The following MAP3K1 variants were observed in gnomAD, a reference collection of about 807,000 sequenced individuals.
The protein encoded by MAP3K1 is mitogen-activated protein kinase kinase kinase 1, also known as MAP/ERK kinase kinase 1.
In MAP3K1, 36 loss-of-function variants were observed where a neutral mutation model predicts 144.2. That is an observed-to-expected ratio of 0.25 (90% CI 0.19 to 0.33). The LOEUF (loss-of-function observed/expected upper bound fraction) is 0.33. Ranked by LOEUF, MAP3K1 falls within the 10% of genes least tolerant of loss-of-function variation. The pLI is 1.00. For missense variants in MAP3K1, 1,650 were observed against 1,881.9 expected, an observed-to-expected ratio of 0.88 and a Z score of 2.28; for synonymous variants, 718 against 688.7, an observed-to-expected ratio of 1.04 and a Z score of -0.67.
At chr5:56,844,274 G>T (rs1346005639) in intron 1 of MAP3K1, among the ~76,000 whole-genome samples, 2 of 143,082 alleles carry the variant, frequency 1.4e-5, no homozygotes, top group African/African-American at 5.1e-5. Flanking sequence ...CCGCCTCCTG[G>T]GTTCATGCCA....
At chr5:56,820,447 C>T in intron 1 of MAP3K1, 5 of 984,988 alleles carry the variant, frequency 5.1e-6, no homozygotes, top group Non-Finnish European at 6.0e-6. Flanking sequence ...TAGGTCTCTA[C>T]CCTGTGCTAA....
Position 56,839,294 on chromosome 5 carries a change from CTTAA to C in MAP3K1, c.483-17303_483-17300del, listed in dbSNP as rs977376262. ...TATTGGGACATTTTTGATGTTGTGG[CTTAA>C]TTGACTACTAGGCATCAGCCATCTC... On this transcript the variant is annotated intron_variant, in intron 1 of 19. Coordinates refer to ENST00000399503, the MANE Select transcript of MAP3K1 (RefSeq NM_005921.2). 1.6e-4 allele frequency among the ~76,000 whole-genome samples: 25 copies of C among 152,338 alleles called. 1 individual carries two copies. The East Asian group carries it at 3.1e-3, about 19-fold the overall frequency.
chr5:56,848,801 A>G (rs781377448), intron 1 of MAP3K1, among the ~76,000 whole-genome samples: 3 of 152,218 alleles, frequency 2.0e-5, no homozygotes, highest in African/African-American at 7.2e-5. Flanking sequence ...TATGTTATCA[A>G]TATGAGTCAA....
intron 16 of MAP3K1, among the ~76,000 whole-genome samples, chr5:56,885,370 A>T (rs945148041): frequency 5.0e-5 from 6 of 118,924 alleles, no homozygotes; most frequent in African/African-American, 1.9e-4. Context: ...TTAAGAGTGC[A>T]TTTCTCTTTA....
In MAP3K1 at chr5:56,864,923, A is replaced by G. The variant is rs754839230; in HGVS notation, c.1024A>G (p.Ile342Val). The change falls in exon 4 of 20, where the codon ATT becomes GTT. Residue 342 changes from isoleucine (I) to valine (V), a missense_variant. By Grantham distance (29) the Ile-to-Val change is conservative. Transcript: ENST00000399503. Reference protein sequence around the residue: ...DSPDNKYRVFIGPQNCSCARG... With the variant: ...DSPDNKYRVFVGPQNCSCARG... The stretch of plus-strand genomic sequence containing the variant: ...CCCAGACAATAAATACCGGGTGTTT[A>G]TTGGGCCTCAGGTAGGATTCGTCAC... 29 of 1,614,104 alleles carry G rather than the reference A, an allele frequency of 1.8e-5. No homozygotes were observed. Among genetic ancestry groups the G allele is most frequent in the Non-Finnish European group, 2.4e-5 (28 of 1,180,012 alleles).
At chr5:56,858,590 A>G (rs1747409137) in intron 2 of MAP3K1, among the ~76,000 whole-genome samples, 1 of 152,222 alleles carries the variant, frequency 6.6e-6, no homozygotes, top group Admixed American at 6.5e-5. Flanking sequence ...AAGTTGTGTC[A>G]AATCATTCTT....
chr5:56,883,932 T>TGAGGCCAGGAGTTC (rs1426255986), intron 15 of MAP3K1, among the ~76,000 whole-genome samples: 6 of 152,116 alleles, frequency 3.9e-5, no homozygotes, highest in African/African-American at 1.4e-4. Context: ...TTGGATCATT[T>TGAGGCCAGGAGTTC]GAGGCCAGGA....
At chr5:56,863,429 T>A (rs1189055609) in intron 3 of MAP3K1, among the ~76,000 whole-genome samples, 9 of 152,370 alleles carry the variant, frequency 5.9e-5, no homozygotes, top group Admixed American at 5.2e-4. Flanking sequence ...GACTGGCTTC[T>A]TTCACTTAGT....
At position 56,816,058 on chromosome 5, in the gene MAP3K1, G is replaced by A. The variant is rs1335861846; in HGVS notation, c.482+3G>A. ...TCTCCTGCAGCGGCCCCCGCCGGGTGAGCAGCACGGCCGGGGTCGCGGCGG... is the reference window on the plus strand; with the variant it reads ...TCTCCTGCAGCGGCCCCCGCCGGGTAAGCAGCACGGCCGGGGTCGCGGCGG... On this transcript the variant is annotated splice_donor_region_variant and intron_variant, in intron 1 of 19. Coordinates refer to ENST00000399503, the MANE Select transcript of MAP3K1 (RefSeq NM_005921.2). 3 of 1,214,654 alleles carry A rather than the reference G, an allele frequency of 2.5e-6. No individual in the cohort carries two copies. Among genetic ancestry groups the A allele is most frequent in the South Asian group, 4.2e-5 (1 of 24,076 alleles). 75.2% of individuals were successfully genotyped at this position (1,214,654 alleles called of 1,614,324 possible).
At position 56,896,121 on chromosome 5, in the gene MAP3K1, G is replaced by A. The variant is rs545465727; in HGVS notation, c.*2441G>A. ...TATTTGTACCTATTTTGGTGTTTTT[G>A]TCTTTATAGTAAATAAAAGTTTTTG... On this transcript the variant is annotated 3_prime_UTR_variant, in exon 20 of 20. Transcript: ENST00000399503. 2.7e-5 allele frequency: 6 copies of A among 223,772 alleles called. No homozygotes were observed. Among genetic ancestry groups the A allele is most frequent in the Non-Finnish European group, 5.3e-5 (6 of 112,702 alleles). The allele number at this position is 223,772 out of a possible 1,614,324, so 13.9% of individuals were successfully genotyped here.
intron 1 of MAP3K1, among the ~76,000 whole-genome samples, chr5:56,818,672 CTT>C (rs1477741650): frequency 3.3e-5 from 5 of 151,948 alleles, no homozygotes; most frequent in Non-Finnish European, 5.9e-5. Context: ...TATTTACTGT[CTT>C]TGAAGAAAAA....
rs1180609216 is a variant in MAP3K1 at position 56,895,762 on chromosome 5, T to A, written c.*2082T>A. ...ACTGGAAATTGTATCGTGTAATTATTTTTGTGTTCTTAATGTTATTTGGTA... is the reference window on the plus strand; with the variant it reads ...ACTGGAAATTGTATCGTGTAATTATATTTGTGTTCTTAATGTTATTTGGTA... On this transcript the variant is annotated 3_prime_UTR_variant, in exon 20 of 20. Coordinates refer to ENST00000399503, the MANE Select transcript of MAP3K1 (RefSeq NM_005921.2). 1 of 232,002 alleles carries A rather than the reference T, an allele frequency of 4.3e-6. No individual in the cohort carries two copies. Among genetic ancestry groups the A allele is most frequent in the African/African-American group, 2.2e-5 (1 of 45,280 alleles). 14.4% of individuals were successfully genotyped at this position (232,002 alleles called of 1,614,324 possible). A position where few individuals can be genotyped will look rare whatever the true frequency, so the allele number is the denominator to read the frequency against.
At chr5:56,871,344 CTCTAT>C (rs1368853298) in intron 6 of MAP3K1, among the ~76,000 whole-genome samples, 1 of 151,960 alleles carries the variant, frequency 6.6e-6, no homozygotes, top group Admixed American at 6.6e-5. Flanking sequence ...ATACATATAT[CTCTAT>C]ATATTTATCT....
At chr5:56,863,795 A>G (rs1346682131) in intron 3 of MAP3K1, among the ~76,000 whole-genome samples, 1 of 152,204 alleles carries the variant, frequency 6.6e-6, no homozygotes, top group East Asian at 1.9e-4. Context: ...AACATTTATT[A>G]CCCTTAACTA....
At chr5:56,868,320 T>C (rs569478977) in intron 6 of MAP3K1, among the ~76,000 whole-genome samples, 3 of 152,114 alleles carry the variant, frequency 2.0e-5, no homozygotes, top group Admixed American at 2.0e-4. Flanking sequence ...CAGAAAAAAC[T>C]ATGCTAAAAA....
In MAP3K1 at chr5:56,884,772, T is replaced by G. The variant is rs905588863; in HGVS notation, c.3928T>G (p.Leu1310Val). Residue 1310 changes from leucine to valine, a missense_variant, in exon 16 of 20, where the codon TTG becomes GTG. Physicochemically the swap from Leu to Val is conservative, Grantham distance 32. Transcript: ENST00000399503. ...HLNHPNIIRMLGATCEKSNYN... is the reference protein window; with the variant it reads ...HLNHPNIIRMVGATCEKSNYN... ...GAATCATCCAAACATCATTAGGATG[T>G]TGGGAGCCACGTGTGAGAAGAGCAA... The G allele has an allele frequency of 2.5e-6, 4 of 1,613,800 alleles. No individual in the cohort carries two copies. In the South Asian group the frequency reaches 4.4e-5, roughly 18 times the overall value.
At chr5:56,871,875 T>C (rs771800917) in intron 6 of MAP3K1, 35 bp from the exon 7 acceptor site, 4 of 1,605,828 alleles carry the variant, frequency 2.5e-6, no homozygotes, top group South Asian at 1.1e-5. Context: ...TTATATTCTT[T>C]TATGCTTAAT....
intron 1 of MAP3K1, among the ~76,000 whole-genome samples, chr5:56,837,484 A>T (rs1016032799): frequency 1.3e-5 from 2 of 152,062 alleles, no homozygotes; most frequent in African/African-American, 4.8e-5. Context: ...CTAACAGTGG[A>T]TACTTGGCAT....
intron 15 of MAP3K1, 130 bp downstream of exon 15, chr5:56,883,809 A>T (rs1748298125): frequency 1.0e-6 from 1 of 992,406 alleles, no homozygotes; most frequent in African/African-American, 1.6e-5. Flanking sequence ...CTTAGTTTCA[A>T]AGTAGATGTT....
Sources: allele counts gnomAD v4.1 joint callset (sites outside exome capture counted in the v4.1 genomes callset), GRCh38; gene constraint gnomAD v4.1.1; transcripts MANE v1.5; gene names NCBI Gene and HGNC (gene_info 2026-07-23, HGNC 2026-07-21).